NTRK3: variants seen among roughly 807,000 people sequenced by gnomAD.
The protein encoded by NTRK3 is neurotrophic receptor tyrosine kinase 3.
Under a neutral mutation model 91.7 loss-of-function variants are expected in NTRK3, and 24 were observed. That is an observed-to-expected ratio of 0.26 (90% CI 0.19 to 0.37). The LOEUF is 0.37. Among genes scored for constraint, NTRK3 ranks in the 10% least tolerant of loss-of-function variants. NTRK3 has a pLI of 1.00. For synonymous variants in NTRK3, 483 were observed against 404.0 expected (o/e 1.20, Z -2.34); for missense variants, 880 against 1,068.9 (o/e 0.82, Z 2.46).
intron 5 of NTRK3, among the ~76,000 whole-genome samples, chr15:88,172,784 G>C (rs746084276): frequency 6.6e-6 from 1 of 152,146 alleles, no homozygotes; most frequent in Admixed American, 6.5e-5. Context: ...TCGGGGGTTG[G>C]GGGGCATGAG....
chr15:87,875,394 G>A, exon 19 of NTRK3: 1 of 231,552 alleles, frequency 4.3e-6, no homozygotes. Context: ...GTATGTGGCA[G>A]CAGCCAGGAA....
At chr15:88,050,509 GTGTGTGTATGTGT>G (rs2080725251) in intron 13 of NTRK3, among the ~76,000 whole-genome samples, 3 of 116,464 alleles carry the variant, frequency 2.6e-5, no homozygotes, top group African/African-American at 1.2e-4. Flanking sequence ...GTGTGTGTGT[GTGTGTGTATGTGT>G]GTGTGTGTTT....
At chr15:88,050,486 C>CGT (rs55943475) in intron 13 of NTRK3, among the ~76,000 whole-genome samples, 5,929 of 144,172 alleles carry the variant, frequency 0.041, 174 homozygotes, top group East Asian at 0.11. Flanking sequence ...CAATATATAC[C>CGT]GTGTGTGTGT....
At chr15:87,931,744 C>T (rs2068812612) in intron 16 of NTRK3, among the ~76,000 whole-genome samples, 1 of 152,194 alleles carries the variant, frequency 6.6e-6, no homozygotes, top group African/African-American at 2.4e-5. Context: ...AAGCAGAGCT[C>T]CAGAGAGTCC....
chr15:87,990,848 T>C (rs961625051), intron 14 of NTRK3, among the ~76,000 whole-genome samples: 3 of 152,130 alleles, frequency 2.0e-5, no homozygotes, highest in African/African-American at 4.8e-5. Context: ...TGGAGCAATG[T>C]CCCCCACTTT....
At position 87,915,035 on chromosome 15, in the gene NTRK3, G is replaced by A. The variant is rs114003660; in HGVS notation, c.2133+14156C>T. 1.0e-3 allele frequency among the ~76,000 whole-genome samples: 159 copies of A among 152,244 alleles called. 1 individual carries two copies. Among genetic ancestry groups the A allele is most frequent in the African/African-American group, 3.3e-3 (136 of 41,546 alleles). ...TGGTAATGATGTTGGTGATGGTGGC[G>A]TTGGTGATGGTGATGATGGTGATGG... On this transcript the variant is annotated intron_variant, in intron 17 of 18. Transcript: ENST00000394480.
At chr15:87,910,414 G>A (rs1361716254) in intron 17 of NTRK3, among the ~76,000 whole-genome samples, 1 of 152,218 alleles carries the variant, frequency 6.6e-6, no homozygotes, top group Non-Finnish European at 1.5e-5. Context: ...AAGCTCCCAA[G>A]AGAGTTTTCA....
chr15:88,183,900 C>T (rs1170153246), intron 4 of NTRK3, among the ~76,000 whole-genome samples: 1 of 152,154 alleles, frequency 6.6e-6, no homozygotes, highest in Non-Finnish European at 1.5e-5. Flanking sequence ...CCATGGGGCT[C>T]ATCAGTCAAG....
intron 10 of NTRK3, among the ~76,000 whole-genome samples, chr15:88,133,245 G>C (rs951425425): frequency 6.6e-6 from 1 of 152,102 alleles, no homozygotes; most frequent in Non-Finnish European, 1.5e-5. Context: ...TGCATCTCGT[G>C]GGGGCAGAGG....
rs146555588 is a variant in NTRK3 at position 87,993,514 on chromosome 15, C to T, written c.1585+39343G>A. On this transcript the variant is annotated intron_variant, in intron 14 of 18. Coordinates refer to ENST00000394480, the Ensembl canonical transcript of NTRK3. ...TGTACATCAGTAGAGAAGAATAGTTCTTCACCTTTCTTTGGGTCCTTTTTA... is the reference window on the plus strand; with the variant it reads ...TGTACATCAGTAGAGAAGAATAGTTTTTCACCTTTCTTTGGGTCCTTTTTA... 6.0e-4 allele frequency among the ~76,000 whole-genome samples: 91 copies of T among 152,170 alleles called. 1 individual carries two copies. In the East Asian group the frequency reaches 0.013, roughly 22 times the overall value.
At chr15:87,930,735 C>A (rs975873099) in intron 16 of NTRK3, among the ~76,000 whole-genome samples, 1 of 152,174 alleles carries the variant, frequency 6.6e-6, no homozygotes, top group Non-Finnish European at 1.5e-5. Context: ...TCAGAGAATT[C>A]TTTAGAAGGT....
intron 3 of NTRK3, among the ~76,000 whole-genome samples, chr15:88,232,974 G>A (rs1318982654): frequency 6.6e-6 from 1 of 152,082 alleles, no homozygotes; most frequent in Admixed American, 6.5e-5. Context: ...GGGCTGAGGG[G>A]GCACCTCCAC....
At chr15:87,882,418 C>A (rs1163159229) in intron 17 of NTRK3, among the ~76,000 whole-genome samples, 1 of 151,982 alleles carries the variant, frequency 6.6e-6, no homozygotes, top group Non-Finnish European at 1.5e-5. Context: ...AAATGCAGAG[C>A]AAATAAGCCA....
At chr15:87,981,213 G>A (rs757099062) in intron 14 of NTRK3, 2 of 1,566,652 alleles carry the variant, frequency 1.3e-6, no homozygotes, top group Non-Finnish European at 1.7e-6. Context: ...AGACGTCAAA[G>A]GAGGTAACTC....
intron 3 of NTRK3, among the ~76,000 whole-genome samples, chr15:88,223,622 G>A (rs377500850): frequency 1.3e-5 from 2 of 152,212 alleles, no homozygotes; most frequent in South Asian, 2.1e-4. Context: ...CCACTTCATC[G>A]CTCCATGGTC....
At chr15:87,896,642 T>C (rs2066142242) in intron 17 of NTRK3, among the ~76,000 whole-genome samples, 1 of 152,080 alleles carries the variant, frequency 6.6e-6, no homozygotes, top group African/African-American at 2.4e-5. Flanking sequence ...TTTGTGTGGG[T>C]GCATGCCTTA....
intron 14 of NTRK3, among the ~76,000 whole-genome samples, chr15:87,951,964 TA>T (rs1357545637): frequency 1.3e-5 from 2 of 151,708 alleles, no homozygotes; most frequent in South Asian, 4.2e-4. Flanking sequence ...AAGTTTCCAC[TA>T]AAAAAACAAA....
chr15:88,185,821 C>T (rs2046898855), intron 3 of NTRK3, among the ~76,000 whole-genome samples: 1 of 152,188 alleles, frequency 6.6e-6, no homozygotes, highest in South Asian at 2.1e-4. Flanking sequence ...CTATGACTGC[C>T]AGGGCCTCTG....
chr15:88,020,731 C>G (rs2077537658), intron 14 of NTRK3, among the ~76,000 whole-genome samples: 1 of 152,186 alleles, frequency 6.6e-6, no homozygotes, highest in African/African-American at 2.4e-5. Flanking sequence ...CATGCAGTGG[C>G]TGAGTGGTAG....
Sources: gnomAD v4.1 joint callset for allele counts (sites outside exome capture counted in the v4.1 genomes callset) on GRCh38, gnomAD v4.1.1 for gene constraint, MANE v1.5 for transcripts, NCBI Gene and HGNC (gene_info 2026-07-23, HGNC 2026-07-21) for gene names.